Variants in ANKS1B observed in about 807,000 individuals in gnomAD.
ANKS1B encodes the protein ankyrin repeat and sterile alpha motif domain containing 1B, also known as ankyrin repeat and sterile alpha motif domain-containing protein 1B.
Under a neutral mutation model 148.3 loss-of-function variants are expected in ANKS1B, and 36 were observed. The ratio of observed to expected loss-of-function variants is 0.24; its 90% CI spans 0.19 to 0.32. The LOEUF (loss-of-function observed/expected upper bound fraction) is 0.32, where lower values mean the gene tolerates loss of function less well. Among genes scored for constraint, ANKS1B ranks in the 10% least tolerant of loss-of-function variants. ANKS1B has a pLI of 1.00. For missense variants in ANKS1B, 1,157 were observed against 1,542.6 expected, an observed-to-expected ratio of 0.75 and a Z score of 4.19; for synonymous variants, 542 against 560.8, an observed-to-expected ratio of 0.97 and a Z score of 0.47.
chr12:99,982,799 C>G (rs1252168106), intron 1 of ANKS1B, among the ~76,000 whole-genome samples: 4 of 152,142 alleles, frequency 2.6e-5, no homozygotes, highest in African/African-American at 9.7e-5. Flanking sequence ...AACTATCATT[C>G]CAATAAAATG....
intron 9 of ANKS1B, among the ~76,000 whole-genome samples, chr12:99,609,388 G>C (rs188457783): frequency 1.3e-5 from 2 of 151,978 alleles, no homozygotes; most frequent in Admixed American, 6.6e-5. Flanking sequence ...CCAGTGATGA[G>C]AGAGACGTCC....
intron 1 of ANKS1B, among the ~76,000 whole-genome samples, chr12:99,879,710 T>C (rs1194776907): frequency 2.0e-5 from 3 of 152,222 alleles, no homozygotes; most frequent in Non-Finnish European, 4.4e-5. Flanking sequence ...GTTAGAGAAA[T>C]CTAGTTTTCC....
At position 99,224,343 on chromosome 12, in the gene ANKS1B, T is replaced by C. The variant is rs143953203; in HGVS notation, c.2419+19999A>G. Among the ~76,000 whole-genome samples, 593 of 152,238 alleles carry C rather than the reference T, an allele frequency of 3.9e-3. 2 individuals carry two copies. Among genetic ancestry groups the C allele is most frequent in the African/African-American group, 0.014 (575 of 41,534 alleles). The stretch of plus-strand genomic sequence containing the variant: ...GTCCCCACCAAAATCTCATGACAAA[T>C]TGTAATCCCCAGTGTTGGAGGTAGG... On this transcript the variant is annotated intron_variant, in intron 14 of 26. Coordinates refer to ENST00000683438, the MANE Select transcript of ANKS1B (RefSeq NM_001352186.2).
chr12:99,585,586 C>T (rs1251426760), intron 9 of ANKS1B, among the ~76,000 whole-genome samples: 1 of 152,184 alleles, frequency 6.6e-6, no homozygotes, highest in East Asian at 1.9e-4. Context: ...CATTTCCCCT[C>T]CACACTGCCC....
chr12:99,465,546 C>T (rs2096087737), intron 10 of ANKS1B, among the ~76,000 whole-genome samples: 1 of 151,794 alleles, frequency 6.6e-6, no homozygotes, highest in Non-Finnish European at 1.5e-5. Context: ...TTCAGGAAAC[C>T]CATCTCACGT....
At chr12:98,771,689 G>C (rs527473929) in intron 25 of ANKS1B, among the ~76,000 whole-genome samples, 357 of 152,172 alleles carry the variant, frequency 2.3e-3, no homozygotes, top group African/African-American at 8.2e-3. Context: ...ATGTTTCTCA[G>C]GCTCATCTTC....
chr12:98,783,205 T>C (rs73380420), intron 22 of ANKS1B, among the ~76,000 whole-genome samples: 1,651 of 152,342 alleles, frequency 0.011, 23 homozygotes, highest in African/African-American at 0.038. Context: ...AATCGAGTTG[T>C]TACTTTAGGC....
chr12:99,519,005 T>C (rs1268983387), intron 9 of ANKS1B, among the ~76,000 whole-genome samples: 1 of 152,126 alleles, frequency 6.6e-6, no homozygotes, highest in Non-Finnish European at 1.5e-5. Flanking sequence ...GGGCATATTG[T>C]TTAATTTTCA....
chr12:98,799,332 C>T (rs1189204462), intron 21 of ANKS1B, among the ~76,000 whole-genome samples: 1 of 152,074 alleles, frequency 6.6e-6, no homozygotes, highest in African/African-American at 2.4e-5. Context: ...GCAATGTCTG[C>T]AAAAATAAAT....
At chr12:99,924,729 A>C (rs549238458) in intron 1 of ANKS1B, among the ~76,000 whole-genome samples, 1 of 152,246 alleles carries the variant, frequency 6.6e-6, no homozygotes, top group African/African-American at 2.4e-5. Flanking sequence ...ACCATTTAAG[A>C]ATCAGAGAGA....
chr12:98,829,047 G>T lies in ANKS1B; in HGVS notation c.3066+127C>A. The T allele has an allele frequency of 9.4e-7, 1 of 1,069,086 alleles. No homozygotes were observed. Among genetic ancestry groups the T allele is most frequent in the Non-Finnish European group, 1.4e-6 (1 of 718,644 alleles). 66.2% of individuals were successfully genotyped at this position (1,069,086 alleles called of 1,614,324 possible). A position where few individuals can be genotyped will look rare whatever the true frequency, so the allele number is the denominator to read the frequency against. On this transcript the variant is annotated intron_variant, in intron 19 of 26. Coordinates refer to ENST00000683438, the MANE Select transcript of ANKS1B (RefSeq NM_001352186.2). This position sits in a 1 kb window ranked among gnomAD's most constrained non-coding sequence, Gnocchi z 5.2. ...TTCAGATGAGCAAGGAATGAAAGGC[G>T]GGGCATAACATGGTATAAATTCTAG...
chr12:99,477,726 T>C (rs1357965506), intron 10 of ANKS1B, among the ~76,000 whole-genome samples: 1 of 152,178 alleles, frequency 6.6e-6, no homozygotes, highest in African/African-American at 2.4e-5. Context: ...CACTAAGGTA[T>C]ACAAACATTT....
rs376764060 is a variant in ANKS1B at position 99,806,560 on chromosome 12, G to A, written c.513C>T (p.Tyr171=). 3.2e-5 allele frequency: 51 copies of A among 1,613,942 alleles called. 1 individual carries two copies. In the South Asian group the frequency reaches 4.2e-4, roughly 13 times the overall value. ...TCATTTTTACCACTCTAAGCCGTCC[G>A]TAGAGTGCCGCCAAGTCCAAAGGTG... ...LETPLDLAAL[Y]GRLRVVKMII... The change falls in exon 4 of 27, where the codon TAC becomes TAT. Residue 171 remains tyrosine, a synonymous_variant. Transcript: ENST00000683438.
intron 25 of ANKS1B, among the ~76,000 whole-genome samples, chr12:98,763,748 T>C (rs1237209860): frequency 6.6e-6 from 1 of 152,220 alleles, no homozygotes; most frequent in Non-Finnish European, 1.5e-5. Context: ...TAACATATTT[T>C]ATGTGCAGTC....
intron 9 of ANKS1B, among the ~76,000 whole-genome samples, chr12:99,647,156 T>C (rs1377200754): frequency 2.0e-5 from 3 of 152,194 alleles, no homozygotes; most frequent in Non-Finnish European, 1.5e-5. Context: ...TGGTCTTACA[T>C]AAATTGAATC....
chr12:99,961,185 T>C (rs986803242), intron 1 of ANKS1B, among the ~76,000 whole-genome samples: 3 of 151,932 alleles, frequency 2.0e-5, no homozygotes, highest in Non-Finnish European at 2.9e-5. Context: ...GCCCAGATTG[T>C]GCCACTGCAC....
chr12:99,726,227 T>C (rs1297640663), intron 8 of ANKS1B, among the ~76,000 whole-genome samples: 1 of 151,866 alleles, frequency 6.6e-6, no homozygotes, highest in East Asian at 1.9e-4. Flanking sequence ...ATTAACAAAA[T>C]AGGTAGACTG....
intron 12 of ANKS1B, among the ~76,000 whole-genome samples, chr12:99,395,004 T>C (rs374148874): frequency 2.6e-5 from 4 of 152,176 alleles, no homozygotes; most frequent in African/African-American, 4.8e-5. Flanking sequence ...CTTGGAGTCA[T>C]CCTTAATTCT....
intron 1 of ANKS1B, among the ~76,000 whole-genome samples, chr12:99,974,013 C>A (rs1056561530): frequency 6.6e-6 from 1 of 152,288 alleles, no homozygotes; most frequent in South Asian, 2.1e-4. Flanking sequence ...TCCCATGCTA[C>A]GGAAACATCT....
Sources: allele counts gnomAD v4.1 joint callset (sites outside exome capture counted in the v4.1 genomes callset), GRCh38; gene constraint gnomAD v4.1.1; non-coding constraint Gnocchi (gnomAD v3.1); transcripts MANE v1.5; gene names NCBI Gene and HGNC (gene_info 2026-07-23, HGNC 2026-07-21).